CNTNAP2: variants seen among roughly 807,000 people sequenced by gnomAD.
CNTNAP2 encodes contactin-associated protein-like 2.
CNTNAP2 carries 98 observed loss-of-function variants against 155.2 expected under a neutral mutation model. That is an observed-to-expected ratio of 0.63 (90% CI 0.54 to 0.75). The LOEUF is 0.75. Among genes scored for constraint, CNTNAP2 ranks in the 30% least tolerant of loss-of-function variants. The pLI is 0.00. For missense variants in CNTNAP2, 1,727 were observed against 1,688.1 expected (o/e 1.02, Z -0.40); for synonymous variants, 651 against 631.2 (o/e 1.03, Z -0.47).
intron 1 of CNTNAP2, among the ~76,000 whole-genome samples, chr7:146,480,410 T>C (rs1282384885): frequency 6.6e-6 from 1 of 151,958 alleles, no homozygotes; most frequent in Non-Finnish European, 1.5e-5. Flanking sequence ...ACAATGTATA[T>C]GATTATATAT....
At chr7:147,208,883 TG>T (rs1293392112) in intron 8 of CNTNAP2, among the ~76,000 whole-genome samples, 1 of 151,998 alleles carries the variant, frequency 6.6e-6, no homozygotes, top group Admixed American at 6.6e-5. Flanking sequence ...CTTTAATCTG[TG>T]AAACCCATTA....
intron 11 of CNTNAP2, among the ~76,000 whole-genome samples, chr7:147,504,947 C>A (rs1448915090): frequency 2.0e-5 from 3 of 152,020 alleles, no homozygotes; most frequent in African/African-American, 7.2e-5. Context: ...CATGCACACA[C>A]ACACGCATGC....
chr7:148,131,745 TG>T (rs900494032), intron 16 of CNTNAP2, among the ~76,000 whole-genome samples: 4 of 152,110 alleles, frequency 2.6e-5, no homozygotes, highest in African/African-American at 7.2e-5. Context: ...TAAAAACAAG[TG>T]CTTCAAGAAA....
chr7:146,441,510 A>G (rs1001057170), intron 1 of CNTNAP2, among the ~76,000 whole-genome samples: 6 of 151,456 alleles, frequency 4.0e-5, no homozygotes, highest in Admixed American at 2.0e-4. Flanking sequence ...GATTACATGC[A>G]TGGCCATGGA....
intron 1 of CNTNAP2, among the ~76,000 whole-genome samples, chr7:146,621,241 G>T (rs1016662143): frequency 1.3e-5 from 2 of 152,162 alleles, no homozygotes; most frequent in Non-Finnish European, 2.9e-5. Context: ...GTTGGGGAGA[G>T]AATATAGAGT....
At chr7:146,153,648 T>C (rs1476276037) in intron 1 of CNTNAP2, among the ~76,000 whole-genome samples, 1 of 152,100 alleles carries the variant, frequency 6.6e-6, no homozygotes. Context: ...GGAAAGAAAC[T>C]GCATTCTAAA....
At chr7:148,112,316 C>CAAGAAAATACAATTTA (rs1291046175) in intron 15 of CNTNAP2, among the ~76,000 whole-genome samples, 1 of 151,626 alleles carries the variant, frequency 6.6e-6, no homozygotes, top group African/African-American at 2.4e-5. Flanking sequence ...CAACAAAATG[C>CAAGAAAATACAATTTA]AAGAAAATAC....
chr7:148,384,020 G>T, intron 22 of CNTNAP2, 132 bp downstream of exon 22: 2 of 1,306,556 alleles, frequency 1.5e-6, no homozygotes, highest in South Asian at 1.3e-5. Context: ...GCAAAGGAAC[G>T]TTGTGAGTAC....
At position 146,162,540 on chromosome 7, in the gene CNTNAP2, T is replaced by C. The variant is rs1403871145; in HGVS notation, c.97+45567T>C. On this transcript the variant is annotated intron_variant, in intron 1 of 23. Coordinates refer to ENST00000361727, the MANE Select transcript of CNTNAP2 (RefSeq NM_014141.6). ...TGTAGAGGATGTGGAGAAATAGGAA[T>C]GCTTTTACACTATTGGTGGGACTGT... 2.6e-5 allele frequency among the ~76,000 whole-genome samples: 4 copies of C among 152,272 alleles called. No individual in the cohort carries two copies. In the East Asian group the frequency reaches 7.7e-4, roughly 29 times the overall value.
rs192158541 is a variant in CNTNAP2, at chr7:147,863,082, G to A, written c.2099-40483G>A. Among the ~76,000 whole-genome samples the A allele has an allele frequency of 4.0e-3, 615 of 151,944 alleles. 3 individuals carry two copies. Among genetic ancestry groups the A allele is most frequent in the African/African-American group, 0.014 (587 of 41,454 alleles). On this transcript the variant is annotated intron_variant, in intron 13 of 23. Transcript: ENST00000361727. ...TCTCCTAATGCTATTCCTCCCCCAG[G>A]CCCCCACTCCCTGACAGGCCCCAGT...
chr7:147,116,494 C>T (rs1800991744), intron 5 of CNTNAP2, among the ~76,000 whole-genome samples: 1 of 152,170 alleles, frequency 6.6e-6, no homozygotes, highest in Admixed American at 6.5e-5. Flanking sequence ...AGAACACAGG[C>T]AGGGGTGGCC....
At chr7:147,623,133 A>C (rs928962492) in intron 12 of CNTNAP2, among the ~76,000 whole-genome samples, 3 of 152,060 alleles carry the variant, frequency 2.0e-5, no homozygotes, top group African/African-American at 7.2e-5. Flanking sequence ...GAACTCTGTC[A>C]ATAAGAAAAG....
intron 3 of CNTNAP2, among the ~76,000 whole-genome samples, chr7:146,913,414 G>A (rs1796330322): frequency 6.6e-6 from 1 of 152,154 alleles, no homozygotes; most frequent in African/African-American, 2.4e-5. Context: ...AGAAGAGAAA[G>A]TGAGTTTGTT....
intron 8 of CNTNAP2, among the ~76,000 whole-genome samples, chr7:147,265,221 G>A (rs1804579543): frequency 6.6e-6 from 1 of 152,116 alleles, no homozygotes; most frequent in Non-Finnish European, 1.5e-5. Flanking sequence ...TAAGTTCTCG[G>A]ATACATGTGC....
chr7:147,035,530 C>T (rs966985262), intron 3 of CNTNAP2, among the ~76,000 whole-genome samples: 26 of 152,144 alleles, frequency 1.7e-4, no homozygotes, highest in Admixed American at 4.6e-4. Flanking sequence ...TGTTTCAATG[C>T]CACAGAGTCA....
chr7:148,263,308 A>G (rs943277583), intron 20 of CNTNAP2: 1 of 152,220 alleles, frequency 6.6e-6, no homozygotes, highest in Non-Finnish European at 1.5e-5. Flanking sequence ...TAATGACTTC[A>G]TCAATGAGTT....
intron 1 of CNTNAP2, among the ~76,000 whole-genome samples, chr7:146,328,406 A>G (rs1563040407): frequency 6.6e-6 from 1 of 152,158 alleles, no homozygotes; most frequent in African/African-American, 2.4e-5. Context: ...TATGATCAAT[A>G]AAGAAACAAC....
At chr7:148,235,907 G>C (rs146366531) in intron 20 of CNTNAP2, among the ~76,000 whole-genome samples, 1 of 151,896 alleles carries the variant, frequency 6.6e-6, no homozygotes, top group Admixed American at 6.6e-5. Flanking sequence ...GGATGGTCTC[G>C]ATCTCCTGAC....
chr7:147,391,928 C>T (rs1316700256), intron 9 of CNTNAP2, among the ~76,000 whole-genome samples: 1 of 152,052 alleles, frequency 6.6e-6, no homozygotes, highest in Admixed American at 6.6e-5. Flanking sequence ...TAATGCCTGG[C>T]TTCTTCATTT....
Sources: allele counts gnomAD v4.1 joint callset (sites outside exome capture counted in the v4.1 genomes callset), GRCh38; gene constraint gnomAD v4.1.1; transcripts MANE v1.5; gene names NCBI Gene and HGNC (gene_info 2026-07-23, HGNC 2026-07-21).